TENM1: variants seen among roughly 807,000 people sequenced by gnomAD.
TENM1 encodes the protein teneurin-1.
TENM1 carries 35 observed loss-of-function variants against 174.8 expected under a neutral mutation model. That is an observed-to-expected ratio of 0.20 (90% CI 0.15 to 0.27). TENM1 has a LOEUF of 0.27. Among genes scored for constraint, TENM1 ranks in the 10% least tolerant of loss-of-function variants. The probability of loss-of-function intolerance (pLI) is 1.00; values close to 1 mark genes in which losing one functional copy is unlikely to be tolerated. For missense variants in TENM1, 1,633 were observed against 2,130.1 expected (o/e 0.77, Z 4.59); for synonymous variants, 781 against 798.7 (o/e 0.98, Z 0.37).
exon 30 of TENM1, chrX:124,383,673 G>T: frequency 8.3e-7 from 1 of 1,209,544 alleles, no homozygotes; most frequent in Non-Finnish European, 1.1e-6. Flanking sequence ...TTGCCAACTG[G>T]GTAGTTATTT....
At chrX:125,024,777 T>G in the TENM1 span, among the ~76,000 whole-genome samples, 1 of 112,311 alleles carries the variant, frequency 8.9e-6, no homozygotes, top group South Asian at 3.7e-4. Flanking sequence ...AAGATATGCT[T>G]AGAATAATGC....
intron 6 of TENM1, among the ~76,000 whole-genome samples, chrX:124,658,485 T>C (rs1329735727): frequency 8.9e-6 from 1 of 111,820 alleles, no homozygotes; most frequent in Non-Finnish European, 1.9e-5. Flanking sequence ...CTCTCAACTA[T>C]GTGATAGGTA....
At chrX:124,675,524 C>A (rs1247188242) in intron 5 of TENM1, among the ~76,000 whole-genome samples, 1 of 109,104 alleles carries the variant, frequency 9.2e-6, no homozygotes, top group African/African-American at 3.3e-5. Context: ...TAGTAATGAA[C>A]AAACAGGGCA....
chrX:125,152,072 AT>A, the TENM1 span, among the ~76,000 whole-genome samples: 1 of 110,713 alleles, frequency 9.0e-6, no homozygotes, highest in Non-Finnish European at 1.9e-5. Flanking sequence ...CCTGGCCAAC[AT>A]GGCAAAATCC....
the TENM1 span, among the ~76,000 whole-genome samples, chrX:125,014,311 A>G: frequency 1.8e-5 from 2 of 112,750 alleles, no homozygotes; most frequent in South Asian, 7.1e-4. Flanking sequence ...GGACAACAAT[A>G]AAAAGCTTTT....
In TENM1 at chrX:124,496,984, A is replaced by G. The variant is rs753919601; in HGVS notation, c.3695+32T>C. The G allele has an allele frequency of 3.4e-6, 4 of 1,187,992 alleles. No homozygotes were observed. The Admixed American group carries it at 6.7e-5, about 20-fold the overall frequency. On this transcript the variant is annotated intron_variant, in intron 20 of 31. Transcript: ENST00000422452. Reference sequence around the variant, plus strand: ...TATCTTGCTTTTTGCTTTATCTGCTAAGCAAATATATAGAGATTAGAGAAG... The same window carrying G: ...TATCTTGCTTTTTGCTTTATCTGCTGAGCAAATATATAGAGATTAGAGAAG...
intron 3 of TENM1, among the ~76,000 whole-genome samples, chrX:124,838,199 C>G (rs2056429906): frequency 8.9e-6 from 1 of 112,074 alleles, no homozygotes; most frequent in South Asian, 3.7e-4. Flanking sequence ...TCAGTATGAT[C>G]CCAAATAAAT....
At chrX:124,691,337 A>C (rs969205344) in intron 5 of TENM1, among the ~76,000 whole-genome samples, 1 of 112,277 alleles carries the variant, frequency 8.9e-6, no homozygotes, top group African/African-American at 3.2e-5. Flanking sequence ...AAAAGGCAAG[A>C]GATATGAGCA....
intron 3 of TENM1, among the ~76,000 whole-genome samples, chrX:124,886,832 G>A (rs2057399888): frequency 1.9e-5 from 2 of 104,768 alleles, no homozygotes; most frequent in Non-Finnish European, 3.9e-5. Flanking sequence ...TATGTCAACA[G>A]GAAATTGAGA....
chrX:125,158,640 A>AAAGGGCAC, the TENM1 span, among the ~76,000 whole-genome samples: 1 of 110,328 alleles, frequency 9.1e-6, no homozygotes, highest in Non-Finnish European at 1.9e-5. Context: ...TACTAACTAG[A>AAAGGGCAC]TGCACATTTT....
chrX:124,396,416 C>G (rs1026006184), intron 27 of TENM1, among the ~76,000 whole-genome samples: 4 of 107,816 alleles, frequency 3.7e-5, no homozygotes, highest in African/African-American at 1.4e-4. Flanking sequence ...ATTCTCCTGC[C>G]TCAGCCTCCC....
chrX:124,671,946 G>A, intron 5 of TENM1, 111 bp from the exon 9 acceptor site: 2 of 792,137 alleles, frequency 2.5e-6, no homozygotes, highest in Non-Finnish European at 1.8e-6. Flanking sequence ...TTTTAGTTAG[G>A]CCAAGTAACT....
chrX:125,184,696 C>A, the TENM1 span, among the ~76,000 whole-genome samples: 1 of 111,249 alleles, frequency 9.0e-6, no homozygotes, highest in Non-Finnish European at 1.9e-5. Context: ...TCAAGTGATG[C>A]CAAAGACTTA....
At chrX:124,587,901 A>G (rs960670950) in intron 11 of TENM1, among the ~76,000 whole-genome samples, 1 of 112,144 alleles carries the variant, frequency 8.9e-6, no homozygotes, top group African/African-American at 3.2e-5. Flanking sequence ...ACACTTCTCA[A>G]AAGAAGACAT....
intron 14 of TENM1, among the ~76,000 whole-genome samples, chrX:124,552,180 A>G (rs1006149621): frequency 6.2e-5 from 7 of 112,184 alleles, no homozygotes; most frequent in Non-Finnish European, 5.6e-5. Flanking sequence ...GAGCAAATTA[A>G]TAGTGAAAAT....
chrX:125,139,858 GGAGA>G, the TENM1 span, among the ~76,000 whole-genome samples: 1,089 of 89,860 alleles, frequency 0.012, 13 homozygotes, highest in African/African-American at 0.019. Flanking sequence ...ACACACACAC[GGAGA>G]GAGAGAGAGA....
chrX:124,418,448 C>T (rs2060617111), intron 25 of TENM1, among the ~76,000 whole-genome samples: 1 of 108,627 alleles, frequency 9.2e-6, no homozygotes, highest in Admixed American at 1.0e-4. Context: ...CCTTTCCTGT[C>T]CACCCAATCT....
intron 11 of TENM1, among the ~76,000 whole-genome samples, chrX:124,565,802 C>A (rs1253815858): frequency 2.7e-5 from 3 of 111,204 alleles, no homozygotes; most frequent in Non-Finnish European, 5.7e-5. Flanking sequence ...CCATGCCCTG[C>A]CCATACTTAT....
chrX:124,389,905 A>C, intron 28 of TENM1, among the ~76,000 whole-genome samples: 1 of 112,118 alleles, frequency 8.9e-6, no homozygotes, highest in Non-Finnish European at 1.9e-5. Context: ...GGACTGCTTA[A>C]ATCAGTAGCT....
Sources: gnomAD v4.1 joint callset for allele counts (sites outside exome capture counted in the v4.1 genomes callset) on GRCh38, gnomAD v4.1.1 for gene constraint, MANE v1.5 for transcripts, NCBI Gene and HGNC (gene_info 2026-07-23, HGNC 2026-07-21) for gene names.